Variants in GATB observed in about 807,000 individuals in gnomAD.
The protein encoded by GATB is glutamyl-tRNA amidotransferase subunit B, also known as glutamyl-tRNA(Gln) amidotransferase subunit B, mitochondrial.
GATB carries 39 observed loss-of-function variants against 62.3 expected under a neutral mutation model. The observed-to-expected ratio is 0.63, with a 90% CI of 0.48 to 0.82. GATB has a LOEUF of 0.82. Among genes scored for constraint, GATB ranks in the 40% least tolerant of loss-of-function variants. The pLI is 0.00. For missense variants in GATB, 670 were observed against 684.0 expected, an observed-to-expected ratio of 0.98 and a Z score of 0.23; for synonymous variants, 276 against 258.9, an observed-to-expected ratio of 1.07 and a Z score of -0.63.
chr4:151,719,033 C>T (rs1220480331), intron 3 of GATB, among the ~76,000 whole-genome samples: 5 of 152,176 alleles, frequency 3.3e-5, no homozygotes, highest in African/African-American at 7.2e-5. Context: ...AACTTAAAAG[C>T]GATTCGCTCT....
At chr4:151,702,056 C>T (rs547072983) in intron 8 of GATB, among the ~76,000 whole-genome samples, 14 of 152,256 alleles carry the variant, frequency 9.2e-5, no homozygotes, top group South Asian at 4.1e-4. Context: ...AAGAAAGGGA[C>T]GGTAAAAATG....
chr4:151,671,617 C>A (rs1737863568), intron 12 of GATB, among the ~76,000 whole-genome samples: 1 of 152,118 alleles, frequency 6.6e-6, no homozygotes, highest in Non-Finnish European at 1.5e-5. Flanking sequence ...GACACTGAGT[C>A]TGGGGAGGGA....
chr4:151,708,085 C>T lies in GATB; in HGVS notation c.780G>A (p.Val260=). 1.9e-6 allele frequency: 3 copies of T among 1,612,502 alleles called. No individual in the cohort carries two copies. Among genetic ancestry groups the T allele is most frequent in the South Asian group, 1.1e-5 (1 of 91,008 alleles). ...QANMAEGQLR[V]DANISVHHPG... ...GGTGATGCACGGATATATTGGCATC[C>T]ACTCTCAACTGGCCCTCTGGAAGGA... The change falls in exon 6 of 13, where the codon GTG becomes GTA. Residue 260 remains valine, a synonymous_variant. Coordinates refer to ENST00000263985, the MANE Select transcript of GATB (RefSeq NM_004564.3).
rs957413891 is a variant in GATB, at chr4:151,730,747, C to T, written c.328-11209G>A. Among the ~76,000 whole-genome samples, 1 of 152,240 alleles carries T rather than the reference C, an allele frequency of 6.6e-6. No homozygotes were observed. The highest frequency in any genetic ancestry group is 2.4e-5 in the African/African-American group (1 of 41,456). ...AGAGAATATTATTACATCAAGGGAA[C>T]ACCCCATGGGACAAAAAGACCTGAA... On this transcript the variant is annotated intron_variant, in intron 2 of 12. Transcript: ENST00000263985. The surrounding 1 kb of genome is among the most constrained non-coding windows in gnomAD (Gnocchi z 4.1).
intron 10 of GATB, among the ~76,000 whole-genome samples, chr4:151,681,840 T>C (rs1738144250): frequency 6.6e-6 from 1 of 152,148 alleles, no homozygotes; most frequent in Admixed American, 6.5e-5. Flanking sequence ...CTGCATGTGG[T>C]GGAAGGAGCG....
intron 2 of GATB, among the ~76,000 whole-genome samples, chr4:151,731,967 T>G (rs1305093057): frequency 2.0e-5 from 2 of 97,794 alleles, no homozygotes; most frequent in Admixed American, 9.1e-5. Context: ...AAGTGGGGGG[T>G]CAGCCCCTGC....
At chr4:151,704,748 T>C (rs1314698652) in intron 7 of GATB, among the ~76,000 whole-genome samples, 25 of 146,008 alleles carry the variant, frequency 1.7e-4, no homozygotes, top group African/African-American at 5.4e-4. Context: ...CCACGGCGCC[T>C]GGCCTTCTTT....
chr4:151,755,351 T>C (rs948607849), intron 2 of GATB, among the ~76,000 whole-genome samples: 1 of 152,142 alleles, frequency 6.6e-6, no homozygotes, highest in Non-Finnish European at 1.5e-5. Context: ...ACTGTACTGA[T>C]GTATTATAAT....
intron 10 of GATB, among the ~76,000 whole-genome samples, chr4:151,684,297 A>G (rs4696285): frequency 0.59 from 90,055 of 152,156 alleles, 28,993 homozygotes; most frequent in African/African-American, 0.87. Context: ...GGAAATCTAC[A>G]ATGTCTACTT....
At chr4:151,692,142 C>T (rs768425722) in intron 9 of GATB, among the ~76,000 whole-genome samples, 2 of 152,196 alleles carry the variant, frequency 1.3e-5, no homozygotes, top group Non-Finnish European at 2.9e-5. Flanking sequence ...TTCATCCCAA[C>T]AACAACTCTC....
At chr4:151,745,531 C>T (rs561863722) in intron 2 of GATB, among the ~76,000 whole-genome samples, 7 of 152,300 alleles carry the variant, frequency 4.6e-5, no homozygotes, top group African/African-American at 9.6e-5. Flanking sequence ...TTTAGAAAAG[C>T]GTTCACATCA....
intron 1 of GATB, 86 bp downstream of exon 1, chr4:151,760,721 G>C: frequency 7.7e-7 from 1 of 1,305,016 alleles, no homozygotes. Context: ...AAAACGTCTA[G>C]AAGCTGGGCC....
At chr4:151,717,126 G>T (rs1738930345) in intron 3 of GATB, 52 bp from the exon 4 acceptor site, 1 of 1,548,394 alleles carries the variant, frequency 6.5e-7, no homozygotes, top group African/African-American at 1.4e-5. Context: ...ATAAAAGCTG[G>T]GATCCAGTTT....
chr4:151,684,741 C>A lies in GATB; in HGVS notation c.1331+3889G>T, dbSNP rs549986851. 1.4e-4 allele frequency among the ~76,000 whole-genome samples: 21 copies of A among 152,306 alleles called. 1 individual carries two copies. In the South Asian group the frequency reaches 4.1e-3, roughly 30 times the overall value. On this transcript the variant is annotated intron_variant, in intron 10 of 12. Transcript: ENST00000263985. ...TTAAACTGTAAAACACAACTGTTGCCTGCTTCCTCTTTACTTGATTTTGGA... is the reference window on the plus strand; with the variant it reads ...TTAAACTGTAAAACACAACTGTTGCATGCTTCCTCTTTACTTGATTTTGGA...
intron 2 of GATB, among the ~76,000 whole-genome samples, chr4:151,751,848 A>C (rs1476402858): frequency 1.3e-5 from 2 of 152,128 alleles, no homozygotes; most frequent in African/African-American, 4.8e-5. Flanking sequence ...TTTTTTCCAC[A>C]CAAATCAGAT....
Position 151,760,937 on chromosome 4 carries a change from C to A in GATB, c.46G>T (p.Ala16Ser). ...GAACCACCGTCAACCCGGGCGAAAG[C>A]CCAACGTCTTCCACGGCAGCCCCAG... ...LRWGCRGRRWAFARVDGGSCH... is the reference protein window; with the variant it reads ...LRWGCRGRRWSFARVDGGSCH... Residue 16 changes from alanine (A) to serine (S), a missense_variant, in exon 1 of 13, where the codon GCT (alanine) becomes TCT (serine). By Grantham distance (99) the Ala-to-Ser change is moderately conservative. Coordinates refer to ENST00000263985, the MANE Select transcript of GATB (RefSeq NM_004564.3). The A allele has an allele frequency of 6.2e-7, 1 of 1,613,760 alleles. No homozygotes were observed.
chr4:151,715,586 G>A (rs187777922), intron 5 of GATB, among the ~76,000 whole-genome samples: 15 of 152,232 alleles, frequency 9.9e-5, no homozygotes, highest in Middle Eastern at 6.8e-3. Flanking sequence ...TTTGGCTTCC[G>A]CTGTATATGG....
intron 2 of GATB, among the ~76,000 whole-genome samples, chr4:151,733,989 A>G (rs1560861057): frequency 6.6e-6 from 1 of 152,212 alleles, no homozygotes; most frequent in Non-Finnish European, 1.5e-5. Context: ...CACAGCCAAC[A>G]TAATAATGAA....
At chr4:151,673,198 G>T (rs1578890247) in intron 11 of GATB, 1 of 232,162 alleles carries the variant, frequency 4.3e-6, no homozygotes, top group East Asian at 8.3e-5. Flanking sequence ...ACTCGGGCCA[G>T]CCAGATGCCC....
Sources: allele counts gnomAD v4.1 joint callset (sites outside exome capture counted in the v4.1 genomes callset), GRCh38; gene constraint gnomAD v4.1.1; non-coding constraint Gnocchi (gnomAD v3.1); transcripts MANE v1.5; gene names NCBI Gene and HGNC (gene_info 2026-07-23, HGNC 2026-07-21).